Variants in CNTLN observed in about 807,000 individuals in gnomAD.
CNTLN encodes centlein.
A neutral mutation model predicts 180.0 loss-of-function variants in CNTLN; 212 were observed. That is an observed-to-expected ratio of 1.18 (90% CI 1.05 to 1.32). The LOEUF (loss-of-function observed/expected upper bound fraction) is 1.32, where lower values mean the gene tolerates loss of function less well. CNTLN is among the 40% of genes most tolerant of loss of function. The pLI, the probability that CNTLN is intolerant of heterozygous loss-of-function variation, is 0.00. For missense variants in CNTLN, 2,095 were observed against 1,610.9 expected, an observed-to-expected ratio of 1.30 and a Z score of -5.14; for synonymous variants, 722 against 563.1, an observed-to-expected ratio of 1.28 and a Z score of -3.99.
intron 5 of CNTLN, among the ~76,000 whole-genome samples, chr9:17,264,832 C>T (rs1448254002): frequency 1.3e-5 from 2 of 151,676 alleles, no homozygotes; most frequent in African/African-American, 4.9e-5. Context: ...CATGATTTGG[C>T]TCTCTGTTTG....
At chr9:17,487,492 A>G (rs1036364537) in intron 25 of CNTLN, among the ~76,000 whole-genome samples, 1 of 152,176 alleles carries the variant, frequency 6.6e-6, no homozygotes, top group East Asian at 1.9e-4. Context: ...CCTCACAGCC[A>G]GACAGCTGTT....
intron 2 of CNTLN, among the ~76,000 whole-genome samples, chr9:17,144,028 A>G (rs2131445215): frequency 6.6e-6 from 1 of 152,318 alleles, no homozygotes; most frequent in South Asian, 2.1e-4. Flanking sequence ...AATGGATTTC[A>G]TTATACTTTT....
chr9:17,504,036 A>C (rs1195365547), downstream of CNTLN: 1 of 152,440 alleles, frequency 6.6e-6, no homozygotes, highest in Admixed American at 6.5e-5. Flanking sequence ...AATGCTACAG[A>C]TAACAATGAC....
intron 13 of CNTLN, 38 bp from the exon 14 acceptor site, chr9:17,388,124 A>G (rs1825825815): frequency 1.5e-6 from 2 of 1,322,986 alleles, no homozygotes; most frequent in Non-Finnish European, 2.2e-6. Flanking sequence ...TTTCAGCAGT[A>G]CACGTGGTAT....
chr9:17,484,793 A>G (rs1832817755), intron 24 of CNTLN, among the ~76,000 whole-genome samples: 1 of 152,104 alleles, frequency 6.6e-6, no homozygotes, highest in Admixed American at 6.6e-5. Context: ...AAACCAGTAT[A>G]CTTAATTAAG....
intron 15 of CNTLN, among the ~76,000 whole-genome samples, chr9:17,408,674 G>A (rs372499412): frequency 1.3e-5 from 2 of 151,916 alleles, no homozygotes; most frequent in Admixed American, 6.6e-5. Flanking sequence ...GGTGATGGGC[G>A]CCTGTAGTCC....
rs1470419196 is a variant in CNTLN, at chr9:17,135,253, C to T, written c.188C>T (p.Ser63Leu). The T allele has an allele frequency of 3.1e-6, 5 of 1,605,516 alleles. No individual in the cohort carries two copies. The highest frequency in any genetic ancestry group is 1.3e-5 in the African/African-American group (1 of 74,882). The change falls in exon 1 of 26, where the codon TCA becomes TTA. Residue 63 changes from serine (S) to leucine (L), a missense_variant. Transcript: ENST00000380647. ...AAAATCTGGGTGGGTGAAGAAGGGT[C>T]AGGGGGCCGGCGAGGGCCTGGGGGG... Reference protein sequence around the residue: ...SDKIWVGEEGSGGRRGPGGAA... With the variant: ...SDKIWVGEEGLGGRRGPGGAA...
chr9:17,404,738 AT>A (rs36050481), intron 15 of CNTLN, among the ~76,000 whole-genome samples: 2,600 of 135,380 alleles, frequency 0.019, 85 homozygotes, highest in African/African-American at 0.068. Context: ...TCTGAAACAA[AT>A]TTTTTTTTTT....
At chr9:17,320,168 T>A (rs932713377) in intron 8 of CNTLN, among the ~76,000 whole-genome samples, 2 of 152,214 alleles carry the variant, frequency 1.3e-5, no homozygotes, top group African/African-American at 4.8e-5. Context: ...TTAACCAGTC[T>A]TGTTGATTTT....
At chr9:17,250,323 C>G (rs980473983) in intron 5 of CNTLN, among the ~76,000 whole-genome samples, 2 of 151,892 alleles carry the variant, frequency 1.3e-5, no homozygotes, top group African/African-American at 4.8e-5. Flanking sequence ...TTATGCCAAT[C>G]TCTTTTTTTC....
At chr9:17,276,433 A>C (rs533483462) in intron 6 of CNTLN, among the ~76,000 whole-genome samples, 15 of 152,222 alleles carry the variant, frequency 9.9e-5, no homozygotes, top group African/African-American at 3.4e-4. Flanking sequence ...TGGTCTAGGC[A>C]CTTTCTTATT....
the CNTLN span, among the ~76,000 whole-genome samples, chr9:17,521,382 G>GTGA: frequency 1.3e-5 from 2 of 152,050 alleles, no homozygotes; most frequent in Non-Finnish European, 2.9e-5. Context: ...GAACACTCCT[G>GTGA]TGATCAGGTT....
rs113707188 is a variant in CNTLN at position 17,484,687 on chromosome 9, T to C, written c.4041+207T>C. Among the ~76,000 whole-genome samples, 475 of 152,234 alleles carry C rather than the reference T, an allele frequency of 3.1e-3. 3 individuals are homozygous for C. Among genetic ancestry groups the C allele is most frequent in the African/African-American group, 0.011 (447 of 41,572 alleles). ...GAAATTTAACTTTATAATATAGAAA[T>C]AAGCTAGTACTTATAACCTTTCAAA... On this transcript the variant is annotated intron_variant, in intron 24 of 25. Transcript: ENST00000380647.
intron 7 of CNTLN, chr9:17,301,940 TA>T: frequency 1.1e-6 from 1 of 930,148 alleles, no homozygotes; most frequent in Non-Finnish European, 1.3e-6. Context: ...TCATAACATA[TA>T]ACTATTTTAG....
chr9:17,340,218 A>G (rs560099237), intron 10 of CNTLN, among the ~76,000 whole-genome samples: 2 of 152,266 alleles, frequency 1.3e-5, no homozygotes, highest in African/African-American at 4.8e-5. Context: ...ACAACAAAGC[A>G]ATGTTTGGAT....
intron 2 of CNTLN, among the ~76,000 whole-genome samples, chr9:17,210,666 A>G (rs1385542491): frequency 6.6e-6 from 1 of 152,250 alleles, no homozygotes; most frequent in Non-Finnish European, 1.5e-5. Flanking sequence ...ACTAGTTTAC[A>G]GTCCCACCAA....
the CNTLN span, among the ~76,000 whole-genome samples, chr9:17,509,529 C>T: frequency 2.0e-5 from 3 of 152,106 alleles, no homozygotes; most frequent in Non-Finnish European, 4.4e-5. Flanking sequence ...AATTCATGTT[C>T]GTCACCATCC....
intron 5 of CNTLN, among the ~76,000 whole-genome samples, chr9:17,240,774 CTTTG>C: frequency 6.6e-6 from 1 of 152,236 alleles, no homozygotes; most frequent in African/African-American, 2.4e-5. Flanking sequence ...TACATTTTTA[CTTTG>C]GTTTCTTGTC....
At chr9:17,138,014 C>G (rs572384808) in intron 1 of CNTLN, among the ~76,000 whole-genome samples, 1 of 152,272 alleles carries the variant, frequency 6.6e-6, no homozygotes, top group Admixed American at 6.5e-5. Context: ...ATTGGACTTA[C>G]TGAGGGTAGT....
Sources: gnomAD v4.1 joint callset for allele counts (sites outside exome capture counted in the v4.1 genomes callset) on GRCh38, gnomAD v4.1.1 for gene constraint, MANE v1.5 for transcripts, NCBI Gene and HGNC (gene_info 2026-07-23, HGNC 2026-07-21) for gene names.